SGSM2: variants seen among roughly 807,000 people sequenced by gnomAD.
SGSM2 encodes small G protein signaling modulator 2, also known as RUN and TBC1 domain containing 1.
In SGSM2, 89 loss-of-function variants were observed where a neutral mutation model predicts 126.6. That is an observed-to-expected ratio of 0.70 (90% CI 0.59 to 0.84). The LOEUF is 0.84. Among genes scored for constraint, SGSM2 ranks in the 40% least tolerant of loss-of-function variants. The pLI is 0.00. For missense variants in SGSM2, 1,404 were observed against 1,416.6 expected (o/e 0.99, Z 0.14); for synonymous variants, 614 against 574.3 (o/e 1.07, Z -0.99).
intron 23 of SGSM2, 23 bp from the exon 24 acceptor site, chr17:2,379,409 C>CAAG (rs1567855973): frequency 6.2e-7 from 1 of 1,607,566 alleles, no homozygotes; most frequent in Admixed American, 1.7e-5. Context: ...GGCCTCTCTA[C>CAAG]AGCTCTTCAC....
At position 2,375,706 on chromosome 17, in the gene SGSM2, A is replaced by G. The variant is rs1177589246; in HGVS notation, c.2315A>G (p.Gln772Arg). Residue 772 changes from glutamine (Q) to arginine (R), a missense_variant, in exon 18 of 24, where the codon CAG (glutamine) becomes CGG (arginine). Coordinates refer to ENST00000268989, the MANE Select transcript of SGSM2 (RefSeq NM_014853.3). ...SGIQSSLDEG[Q>R]SVGFEEEDGG... Reference sequence around the variant, plus strand: ...ATCCAGTCAAGCCTAGATGAGGGGCAGAGCGTGGGCTTCGAAGAGGAGGAC... The same window carrying G: ...ATCCAGTCAAGCCTAGATGAGGGGCGGAGCGTGGGCTTCGAAGAGGAGGAC... 7.4e-6 allele frequency: 12 copies of G among 1,612,204 alleles called. No individual in the cohort carries two copies. Among genetic ancestry groups the G allele is most frequent in the African/African-American group, 1.3e-5 (1 of 74,882 alleles).
At chr17:2,373,760 G>A (rs763177407) in intron 17 of SGSM2, 4 of 499,248 alleles carry the variant, frequency 8.0e-6, no homozygotes, top group Non-Finnish European at 1.4e-5. Context: ...TATAGGGAAA[G>A]ATGGACTTAC....
chr17:2,366,080 C>A (rs768334153), intron 11 of SGSM2, among the ~76,000 whole-genome samples: 4 of 152,158 alleles, frequency 2.6e-5, no homozygotes, highest in African/African-American at 4.8e-5. Flanking sequence ...TGTCTGCTGA[C>A]TCCCCTAGAG....
chr17:2,372,191 T>C lies in SGSM2; in HGVS notation c.1579T>C (p.Leu527=). 1 of 1,613,312 alleles carries C rather than the reference T, an allele frequency of 6.2e-7. No individual in the cohort carries two copies. Among genetic ancestry groups the C allele is most frequent in the Non-Finnish European group, 8.5e-7 (1 of 1,179,794 alleles). The change falls in exon 14 of 24, where the codon TTG becomes CTG. Residue 527 remains leucine, a splice_region_variant and synonymous_variant. Transcript: ENST00000268989. This position sits in a 1 kb window ranked among gnomAD's most constrained non-coding sequence, Gnocchi z 6.0. ...PSHCSCIPDR[L]PLRLLCESMK... ...TGCTGAGCCCGGTTGTTGCCACAGG[T>C]TGCCGCTCAGGCTACTGTGTGAGAG...
At position 2,379,660 on chromosome 17, in the gene SGSM2, C is replaced by T. The variant is rs2066333890; in HGVS notation, c.*140C>T. 2 of 1,458,456 alleles carry T rather than the reference C, an allele frequency of 1.4e-6. No homozygotes were observed. Among genetic ancestry groups the T allele is most frequent in the Admixed American group, 4.5e-5 (2 of 44,108 alleles). The allele number at this position is 1,458,456 out of a possible 1,614,324, so 90.3% of individuals were successfully genotyped here. A position where few individuals can be genotyped will look rare whatever the true frequency, so the allele number is the denominator to read the frequency against. ...AAAGCGGTTGTGAGCCTGGATCCGA[C>T]TCCCGGCAGTGCTGACCCTGCAGGG... is the stretch of plus-strand genomic sequence containing the variant. On this transcript the variant is annotated 3_prime_UTR_variant, in exon 24 of 24. Coordinates refer to ENST00000268989, the MANE Select transcript of SGSM2 (RefSeq NM_014853.3).
In SGSM2 at chr17:2,360,543, G is replaced by C. The variant is rs548769945; in HGVS notation, c.134-1094G>C. ...GGGTGAGGAGTCAGGAACTGACCTA[G>C]ACCCAGCACCTCCTGAGAGCCAGAC... is the stretch of plus-strand genomic sequence containing the variant. On this transcript the variant is annotated intron_variant, in intron 2 of 23. Transcript: ENST00000268989. 2.0e-5 allele frequency among the ~76,000 whole-genome samples: 3 copies of C among 152,296 alleles called. No individual in the cohort carries two copies. In the East Asian group the frequency reaches 5.8e-4, roughly 29 times the overall value.
Position 2,363,423 on chromosome 17 carries a change from A to C in SGSM2, c.673-42A>C, listed in dbSNP as rs781537816. Reference sequence around the variant, plus strand: ...GTGAGGGTTCCCAAGCCTTGAGGCCAGTTTCCCAAGGCTGGAGGCTGAGCC... The same window carrying C: ...GTGAGGGTTCCCAAGCCTTGAGGCCCGTTTCCCAAGGCTGGAGGCTGAGCC... On this transcript the variant is annotated intron_variant, in intron 6 of 23. Coordinates refer to ENST00000268989, the MANE Select transcript of SGSM2 (RefSeq NM_014853.3). The surrounding 1 kb of genome is among the most constrained non-coding windows in gnomAD (Gnocchi z 4.2). 1 of 1,610,162 alleles carries C rather than the reference A, an allele frequency of 6.2e-7. No individual in the cohort carries two copies. The highest frequency in any genetic ancestry group is 1.1e-5 in the South Asian group (1 of 90,994).
Position 2,337,778 on chromosome 17 carries a change from CGCCCTGGCCCGCGCGGCCCAGGGGGCAG to C in SGSM2, c.57+34_57+61del. 1 of 1,476,924 alleles carries C rather than the reference CGCCCTGGCCCGCGCGGCCCAGGGGGCAG, an allele frequency of 6.8e-7. No homozygotes were observed. Among genetic ancestry groups the C allele is most frequent in the Non-Finnish European group, 9.1e-7 (1 of 1,103,138 alleles). 91.5% of individuals were successfully genotyped at this position (1,476,924 alleles called of 1,614,324 possible). A position where few individuals can be genotyped will look rare whatever the true frequency, so the allele number is the denominator to read the frequency against. ...CGAGTCAAGAACCCCGGGGGGCTCG[CGCCCTGGCCCGCGCGGCCCAGGGGGCAG>C]AAAGGTCCGCGCCCACCCCCCGGCG... On this transcript the variant is annotated intron_variant, in intron 1 of 23. Transcript: ENST00000268989. The surrounding 1 kb of genome is among the most constrained non-coding windows in gnomAD (Gnocchi z 5.1).
chr17:2,373,573 A>C, intron 17 of SGSM2, 60 bp downstream of exon 17: 1 of 1,466,902 alleles, frequency 6.8e-7, no homozygotes, highest in Non-Finnish European at 9.2e-7. Context: ...TTTTATGCAC[A>C]GTGGTCCTGA....
chr17:2,379,306 C>T (rs537403720), intron 23 of SGSM2, 103 bp downstream of exon 23: 5 of 1,566,072 alleles, frequency 3.2e-6, no homozygotes, highest in Non-Finnish European at 4.4e-6. Context: ...CCTGGGGGCC[C>T]TTCCCCAAAG....
intron 1 of SGSM2, among the ~76,000 whole-genome samples, chr17:2,340,745 C>T (rs987080154): frequency 3.2e-4 from 49 of 151,852 alleles, no homozygotes; most frequent in African/African-American, 8.7e-4. Flanking sequence ...CCACCACGCC[C>T]GGCTAATTTT....
At chr17:2,348,162 A>G (rs2064686317) in intron 2 of SGSM2, among the ~76,000 whole-genome samples, 1 of 152,158 alleles carries the variant, frequency 6.6e-6, no homozygotes, top group African/African-American at 2.4e-5. Context: ...TCCTTCAGGG[A>G]ATGGCAAGGA....
rs1054323997 is a variant in SGSM2 at position 2,379,793 on chromosome 17, C to A, written c.*273C>A. 2.2e-6 allele frequency: 3 copies of A among 1,349,790 alleles called. No homozygotes were observed. Among genetic ancestry groups the A allele is most frequent in the African/African-American group, 2.9e-5 (2 of 68,564 alleles). 83.6% of individuals were successfully genotyped at this position (1,349,790 alleles called of 1,614,324 possible). A position where few individuals can be genotyped will look rare whatever the true frequency, so the allele number is the denominator to read the frequency against. On this transcript the variant is annotated 3_prime_UTR_variant, in exon 24 of 24. Coordinates refer to ENST00000268989, the MANE Select transcript of SGSM2 (RefSeq NM_014853.3). Reference sequence around the variant, plus strand: ...CCTACTCTGCTCCCCTCTCACACATCTGGGAGTAGCCCCACTGCCACCTGC... The same window carrying A: ...CCTACTCTGCTCCCCTCTCACACATATGGGAGTAGCCCCACTGCCACCTGC...
At position 2,367,726 on chromosome 17, in the gene SGSM2, G is replaced by T. The variant is rs1434047297; in HGVS notation, c.1423+321G>T. Among the ~76,000 whole-genome samples the T allele has an allele frequency of 6.6e-6, 1 of 152,228 alleles. No individual in the cohort carries two copies. Among genetic ancestry groups the T allele is most frequent in the Non-Finnish European group, 1.5e-5 (1 of 68,028 alleles). On this transcript the variant is annotated intron_variant, in intron 12 of 23. Coordinates refer to ENST00000268989, the MANE Select transcript of SGSM2 (RefSeq NM_014853.3). The surrounding 1 kb of genome is among the most constrained non-coding windows in gnomAD (Gnocchi z 4.0). ...CCATTCCTACTCCGGGGGTCAGGCT[G>T]GCAAATGCCAGACAGAGGTCTCTTC...
Position 2,379,982 on chromosome 17 carries a change from A to ACCAGCC in SGSM2, c.*468_*473dup. On this transcript the variant is annotated 3_prime_UTR_variant, in exon 24 of 24. Transcript: ENST00000268989. ...TGCAGTCCCAGTATATTGTGCGTGC[A>ACCAGCC]CCAGCCCCAGCTGGAGCAACCAAAA... The ACCAGCC allele has an allele frequency of 2.2e-6, 3 of 1,376,386 alleles. No individual in the cohort carries two copies. The highest frequency in any genetic ancestry group is 2.8e-6 in the Non-Finnish European group (3 of 1,066,286). 85.3% of individuals were successfully genotyped at this position (1,376,386 alleles called of 1,614,324 possible).
chr17:2,337,778 C>T lies in SGSM2; in HGVS notation c.57+33C>T. On this transcript the variant is annotated intron_variant, in intron 1 of 23. Transcript: ENST00000268989. The surrounding 1 kb of genome is among the most constrained non-coding windows in gnomAD (Gnocchi z 5.1). Reference sequence around the variant, plus strand: ...CGAGTCAAGAACCCCGGGGGGCTCGCGCCCTGGCCCGCGCGGCCCAGGGGG... The same window carrying T: ...CGAGTCAAGAACCCCGGGGGGCTCGTGCCCTGGCCCGCGCGGCCCAGGGGG... 1 of 1,476,924 alleles carries T rather than the reference C, an allele frequency of 6.8e-7. No individual in the cohort carries two copies. The highest frequency in any genetic ancestry group is 2.9e-5 in the East Asian group (1 of 34,712). The allele number at this position is 1,476,924 out of a possible 1,614,324, so 91.5% of individuals were successfully genotyped here.
intron 1 of SGSM2, among the ~76,000 whole-genome samples, chr17:2,339,447 G>A (rs1034626992): frequency 9.1e-5 from 13 of 143,192 alleles, no homozygotes; most frequent in Non-Finnish European, 1.8e-4. Flanking sequence ...AAAGAAAGCT[G>A]GGCATGGTGG....
In SGSM2 at chr17:2,371,326, C is replaced by T. The variant is rs904123635; in HGVS notation, c.1488C>T (p.Pro496=). 2.5e-6 allele frequency: 4 copies of T among 1,612,440 alleles called. No homozygotes were observed. In the African/African-American group the frequency reaches 5.3e-5, roughly 22 times the overall value. ...GCCTGCCAGCCTGGCACCTGGAGCC[C>T]CTGTGCAGTCAGGGCTCCTCCTGCC... ...GPSLPAWHLE[P]LCSQGSSCLS... is the part of the protein sequence containing the mutation. The change falls in exon 13 of 24, where the codon CCC becomes CCT. Residue 496 remains proline, a synonymous_variant. Coordinates refer to ENST00000268989, the MANE Select transcript of SGSM2 (RefSeq NM_014853.3).
chr17:2,379,791 A>G lies in SGSM2; in HGVS notation c.*271A>G. ...CACCTACTCTGCTCCCCTCTCACAC[A>G]TCTGGGAGTAGCCCCACTGCCACCT... On this transcript the variant is annotated 3_prime_UTR_variant, in exon 24 of 24. Coordinates refer to ENST00000268989, the MANE Select transcript of SGSM2 (RefSeq NM_014853.3). 1 of 1,342,984 alleles carries G rather than the reference A, an allele frequency of 7.4e-7. No individual in the cohort carries two copies. Among genetic ancestry groups the G allele is most frequent in the Non-Finnish European group, 9.6e-7 (1 of 1,042,904 alleles). 83.2% of individuals were successfully genotyped at this position (1,342,984 alleles called of 1,614,324 possible).
Sources: gnomAD v4.1 joint callset for allele counts (sites outside exome capture counted in the v4.1 genomes callset) on GRCh38, gnomAD v4.1.1 for gene constraint, Gnocchi (gnomAD v3.1) non-coding constraint, MANE v1.5 for transcripts, NCBI Gene and HGNC (gene_info 2026-07-23, HGNC 2026-07-21) for gene names.